The following C16orf46 variants were observed in gnomAD, a reference collection of about 807,000 sequenced individuals.
The protein encoded by C16orf46 is chromosome 16 open reading frame 46, also known as uncharacterized protein C16orf46.
A neutral mutation model predicts 5.5 loss-of-function variants in C16orf46; 7 were observed. The observed-to-expected ratio is 1.28, with a 90% CI of 0.73 to 2.40. The LOEUF is 2.40. Among genes scored for constraint, C16orf46 ranks in the 30% most tolerant of loss-of-function variants. The probability of loss-of-function intolerance (pLI) is 0.00; values close to 1 mark genes in which losing one functional copy is unlikely to be tolerated. For synonymous variants in C16orf46, 200 were observed against 184.1 expected (o/e 1.09, Z -0.70); for missense variants, 614 against 476.0 (o/e 1.29, Z -2.70).
intron 1 of C16orf46, among the ~76,000 whole-genome samples, chr16:81,067,242 T>G (rs1285912009): frequency 6.6e-6 from 1 of 152,138 alleles, no homozygotes; most frequent in African/African-American, 2.4e-5. Flanking sequence ...GCCAAAGAAA[T>G]GTAAAGTGGT....
rs1232132709 is a variant in C16orf46, at chr16:81,075,544, T to G, written c.-128+1592A>C. ...GGCAGAGGTTGCAGTAAGCCGAGAT[T>G]GCACCACTACACTCCAACCTGGGTA... On this transcript the variant is annotated intron_variant, in intron 1 of 3. Transcript: ENST00000299578. Among the ~76,000 whole-genome samples, 3 of 152,240 alleles carry G rather than the reference T, an allele frequency of 2.0e-5. No homozygotes were observed. In the East Asian group the frequency reaches 5.8e-4, roughly 29 times the overall value.
chr16:81,074,586 T>C (rs182744249), intron 1 of C16orf46, among the ~76,000 whole-genome samples: 9 of 152,254 alleles, frequency 5.9e-5, no homozygotes, highest in Admixed American at 5.9e-4. Context: ...GGTTTCACCA[T>C]GTTGGCTAGG....
chr16:81,060,084 G>A (rs1005689226), downstream of C16orf46, among the ~76,000 whole-genome samples: 2 of 152,060 alleles, frequency 1.3e-5, no homozygotes, highest in Non-Finnish European at 1.5e-5. Context: ...CACGGCGCCC[G>A]GCCCCAAAAA....
intron 2 of C16orf46, among the ~76,000 whole-genome samples, chr16:81,065,716 A>G (rs1366677250): frequency 6.6e-6 from 1 of 152,048 alleles, no homozygotes; most frequent in East Asian, 1.9e-4. Flanking sequence ...CATGCCAGAA[A>G]ACTAGTTTTT....
intron 1 of C16orf46, among the ~76,000 whole-genome samples, chr16:81,071,383 T>C (rs1971847395): frequency 6.6e-6 from 1 of 152,210 alleles, no homozygotes; most frequent in Admixed American, 6.5e-5. Context: ...GAGAAGTCAC[T>C]ATATTGGAAA....
intron 3 of C16orf46, among the ~76,000 whole-genome samples, chr16:81,055,726 T>C (rs935961676): frequency 6.6e-6 from 1 of 152,106 alleles, no homozygotes; most frequent in African/African-American, 2.4e-5. Context: ...CTTCTTTTTT[T>C]ATTATTGTTT....
At chr16:81,060,975 T>C (rs1008140096), downstream of C16orf46, 5 of 1,373,594 alleles carry the variant, frequency 3.6e-6, no homozygotes, top group African/African-American at 5.9e-5. Context: ...ATCCCAACAA[T>C]CCACTGAGGT....
chr16:81,062,416 C>G (rs547062392), intron 3 of C16orf46, among the ~76,000 whole-genome samples: 1 of 152,148 alleles, frequency 6.6e-6, no homozygotes, highest in Non-Finnish European at 1.5e-5. Context: ...ATCCTAAATA[C>G]TAGCAAGAGC....
chr16:81,076,440 G>C (rs1434473257), intron 1 of C16orf46: 2 of 152,176 alleles, frequency 1.3e-5, no homozygotes, highest in African/African-American at 4.8e-5. Context: ...GGAACCTCAA[G>C]TATTTCACAG....
chr16:81,065,862 CAG>C (rs1971639095), intron 2 of C16orf46, among the ~76,000 whole-genome samples: 1 of 146,004 alleles, frequency 6.8e-6, no homozygotes, highest in South Asian at 2.1e-4. Context: ...GTTTTTGAGA[CAG>C]AGTCTCACTC....
chr16:81,070,240 T>C (rs1280432585), intron 1 of C16orf46, among the ~76,000 whole-genome samples: 1 of 152,218 alleles, frequency 6.6e-6, no homozygotes, highest in Non-Finnish European at 1.5e-5. Context: ...CACTGATGAA[T>C]ACTGAGATGA....
downstream of C16orf46, among the ~76,000 whole-genome samples, chr16:81,056,694 T>G (rs1971305627): frequency 3.9e-5 from 1 of 25,370 alleles, no homozygotes; most frequent in Non-Finnish European, 8.7e-5. Context: ...AGACTCCGTC[T>G]CAAAAAAAAA....
intron 1 of C16orf46, among the ~76,000 whole-genome samples, chr16:81,076,774 T>C (rs1972056737): frequency 6.6e-6 from 1 of 151,996 alleles, no homozygotes; most frequent in South Asian, 2.1e-4. Flanking sequence ...CTCCTCCCTT[T>C]ATGCCATAAG....
chr16:81,059,878 T>G (rs1481647173), downstream of C16orf46, among the ~76,000 whole-genome samples: 1 of 151,576 alleles, frequency 6.6e-6, no homozygotes, highest in Non-Finnish European at 1.5e-5. Flanking sequence ...AAGCTCCGCC[T>G]CCTGGGTTCA....
intron 1 of C16orf46, chr16:81,076,662 C>G (rs985271882): frequency 6.5e-6 from 1 of 152,748 alleles, no homozygotes; most frequent in Non-Finnish European, 1.5e-5. Context: ...CAAACACACG[C>G]GCTCCACCTG....
In C16orf46 at chr16:81,071,680, T is replaced by C. The variant is rs1046107045; in HGVS notation, c.-127-5399A>G. Among the ~76,000 whole-genome samples the C allele has an allele frequency of 2.6e-5, 4 of 151,890 alleles. No homozygotes were observed. In the South Asian group the frequency reaches 8.3e-4, roughly 31 times the overall value. On this transcript the variant is annotated intron_variant, in intron 1 of 3. Coordinates refer to ENST00000299578, the MANE Select transcript of C16orf46 (RefSeq NM_152337.3). ...GGATCCCATGGGCCCCGGAGGGAGA[T>C]CTTGTCTCTAAATCAATAAATAAGT...
chr16:81,058,344 C>G (rs1971364925), downstream of C16orf46, among the ~76,000 whole-genome samples: 1 of 152,128 alleles, frequency 6.6e-6, no homozygotes, highest in Non-Finnish European at 1.5e-5. Flanking sequence ...TATACAGATG[C>G]TTTTTGATCT....
At chr16:81,070,272 G>A (rs1013579121) in intron 1 of C16orf46, among the ~76,000 whole-genome samples, 21 of 152,162 alleles carry the variant, frequency 1.4e-4, no homozygotes, top group Middle Eastern at 3.2e-3. Flanking sequence ...ATCTAGAGCA[G>A]GATTCTTTAC....
intron 1 of C16orf46, among the ~76,000 whole-genome samples, chr16:81,069,618 G>A (rs1439538720): frequency 6.6e-6 from 1 of 152,198 alleles, no homozygotes; most frequent in Non-Finnish European, 1.5e-5. Flanking sequence ...TTTGGTGACT[G>A]ATCATACTGT....
Sources: allele counts gnomAD v4.1 joint callset (sites outside exome capture counted in the v4.1 genomes callset), GRCh38; gene constraint gnomAD v4.1.1; transcripts MANE v1.5; gene names NCBI Gene and HGNC (gene_info 2026-07-23, HGNC 2026-07-21).